The following TRHDE variants were observed in gnomAD, a reference collection of about 807,000 sequenced individuals.
The protein encoded by TRHDE is thyrotropin releasing hormone degrading enzyme, also known as thyrotropin-releasing hormone-degrading ectoenzyme.
TRHDE carries 72 observed loss-of-function variants against 125.7 expected under a neutral mutation model. That is an observed-to-expected ratio of 0.57 (90% CI 0.47 to 0.70). The LOEUF (loss-of-function observed/expected upper bound fraction) is 0.70. Among genes scored for constraint, TRHDE ranks in the 30% least tolerant of loss-of-function variants. The probability of loss-of-function intolerance (pLI) is 0.00; values close to 1 mark genes in which losing one functional copy is unlikely to be tolerated. For missense variants in TRHDE, 1,110 were observed against 1,327.1 expected (o/e 0.84, Z 2.54); for synonymous variants, 509 against 509.1 (o/e 1.00, Z 0.00).
At position 72,419,542 on chromosome 12, in the gene TRHDE, C is replaced by CCATA. The variant is rs1464311822; in HGVS notation, c.1315+41424_1315+41427dup. Among the ~76,000 whole-genome samples, 16 of 152,104 alleles carry CCATA rather than the reference C, an allele frequency of 1.1e-4. 1 individual carries two copies. The highest frequency in any genetic ancestry group is 6.8e-3 in the Middle Eastern group (2 of 294). ...GAGCAAGAGGGAGATGGGGAGTGTGCCATACACTTTTAAACAGCCAGACCT... is the reference window on the plus strand; with the variant it reads ...GAGCAAGAGGGAGATGGGGAGTGTGCCATACATACACTTTTAAACAGCCAGACCT... On this transcript the variant is annotated intron_variant, in intron 3 of 18. Coordinates refer to ENST00000261180, the MANE Select transcript of TRHDE (RefSeq NM_013381.3).
chr12:72,291,880 G>A (rs999544480), intron 2 of TRHDE, among the ~76,000 whole-genome samples: 1 of 152,200 alleles, frequency 6.6e-6, no homozygotes, highest in African/African-American at 2.4e-5. Context: ...GCTTGTGTTT[G>A]CAATGGAATT....
intron 2 of TRHDE, among the ~76,000 whole-genome samples, chr12:72,230,172 A>C (rs1251470819): frequency 1.3e-5 from 2 of 152,172 alleles, no homozygotes; most frequent in African/African-American, 4.8e-5. Flanking sequence ...TGCAAAAATA[A>C]AATTGTATTT....
At chr12:72,152,289 A>G (rs1439212368) in intron 2 of TRHDE, among the ~76,000 whole-genome samples, 2 of 151,650 alleles carry the variant, frequency 1.3e-5, no homozygotes, top group Non-Finnish European at 2.9e-5. Flanking sequence ...GCTTAAGGAG[A>G]TTTCGGGCTG....
rs1868623853 is a variant in TRHDE, at chr12:72,532,748, T to C, written c.1723-9543T>C. Among the ~76,000 whole-genome samples, 3 of 150,478 alleles carry C rather than the reference T, an allele frequency of 2.0e-5. No individual in the cohort carries two copies. The South Asian group carries it at 6.3e-4, about 31-fold the overall frequency. ...TTCTGGAATGAATTCTACTTAAATA[T>C]TTTCTCTCTCTTCATAGAATCTATA... On this transcript the variant is annotated intron_variant, in intron 6 of 18. Transcript: ENST00000261180.
chr12:72,197,867 C>A (rs1877476073), intron 2 of TRHDE, among the ~76,000 whole-genome samples: 2 of 151,638 alleles, frequency 1.3e-5, no homozygotes, highest in Non-Finnish European at 2.9e-5. Context: ...TATTATCGTA[C>A]CCTATATGCT....
At chr12:72,417,557 T>C (rs891235377) in intron 3 of TRHDE, among the ~76,000 whole-genome samples, 5 of 151,972 alleles carry the variant, frequency 3.3e-5, no homozygotes, top group African/African-American at 1.2e-4. Context: ...TTGATGTTAT[T>C]TTTCAGAGGG....
chr12:72,603,649 G>C (rs1418208865), intron 12 of TRHDE, among the ~76,000 whole-genome samples: 1 of 151,936 alleles, frequency 6.6e-6, no homozygotes, highest in African/African-American at 2.4e-5. Flanking sequence ...GGCGAGAAAC[G>C]GGGAGGCGGA....
chr12:72,375,180 T>C (rs937282992), intron 2 of TRHDE, among the ~76,000 whole-genome samples: 1 of 152,124 alleles, frequency 6.6e-6, no homozygotes, highest in Admixed American at 6.6e-5. Context: ...TCTCACATTG[T>C]ATTTTTGTTG....
intron 7 of TRHDE, among the ~76,000 whole-genome samples, chr12:72,549,964 GATAT>G (rs1216512315): frequency 6.6e-6 from 1 of 151,692 alleles, no homozygotes; most frequent in Non-Finnish European, 1.5e-5. Context: ...TATTTTTAGA[GATAT>G]ATATCTCTAT....
chr12:72,532,932 T>A (rs1325392948), intron 6 of TRHDE, among the ~76,000 whole-genome samples: 1 of 150,976 alleles, frequency 6.6e-6, no homozygotes, highest in Non-Finnish European at 1.5e-5. Flanking sequence ...TTTTACATTG[T>A]CCAGTTTGCA....
chr12:72,451,578 TTTG>T (rs145119847), intron 3 of TRHDE, among the ~76,000 whole-genome samples: 15 of 151,828 alleles, frequency 9.9e-5, no homozygotes, highest in Admixed American at 3.3e-4. Context: ...GGCTTTGTTT[TTTG>T]TTGTTGTTGT....
chr12:72,480,472 A>C (rs192276865), intron 5 of TRHDE, among the ~76,000 whole-genome samples: 5 of 152,176 alleles, frequency 3.3e-5, no homozygotes, highest in Non-Finnish European at 7.4e-5. Context: ...GCTCAGAAAG[A>C]TGGTTTCAGG....
chr12:72,434,048 C>T (rs1249995647), intron 3 of TRHDE, among the ~76,000 whole-genome samples: 1 of 152,082 alleles, frequency 6.6e-6, no homozygotes, highest in Non-Finnish European at 1.5e-5. Flanking sequence ...TGAAGTGCCA[C>T]AGACAATCAC....
intron 2 of TRHDE, among the ~76,000 whole-genome samples, chr12:72,230,055 G>A (rs375922165): frequency 3.3e-5 from 5 of 152,098 alleles, no homozygotes; most frequent in South Asian, 4.2e-4. Flanking sequence ...ACCACCTGAC[G>A]GTTTTGTTCC....
intron 9 of TRHDE, among the ~76,000 whole-genome samples, chr12:72,566,956 A>T (rs2136016922): frequency 6.6e-6 from 1 of 152,050 alleles, no homozygotes; most frequent in South Asian, 2.1e-4. Context: ...GGTACACAAA[A>T]ATGAGCTTAT....
chr12:72,314,835 A>G (rs1229529531), intron 2 of TRHDE, among the ~76,000 whole-genome samples: 1 of 152,070 alleles, frequency 6.6e-6, no homozygotes, highest in Non-Finnish European at 1.5e-5. Flanking sequence ...TAAATGTTAG[A>G]ATTAGGAATT....
chr12:72,478,007 T>C (rs1876980945), intron 5 of TRHDE, among the ~76,000 whole-genome samples: 1 of 152,212 alleles, frequency 6.6e-6, no homozygotes, highest in African/African-American at 2.4e-5. Flanking sequence ...TTATAAGTTA[T>C]ACTTTGATAA....
chr12:72,365,449 T>G (rs1168938227), intron 2 of TRHDE, among the ~76,000 whole-genome samples: 1 of 152,116 alleles, frequency 6.6e-6, no homozygotes, highest in Non-Finnish European at 1.5e-5. Context: ...TAACCTTTGG[T>G]GATTCTGATG....
At chr12:72,240,451 C>T (rs1001124029) in intron 2 of TRHDE, among the ~76,000 whole-genome samples, 1 of 151,684 alleles carries the variant, frequency 6.6e-6, no homozygotes, top group African/African-American at 2.4e-5. Flanking sequence ...GTCATCTTGA[C>T]AGATAACATG....
Sources: allele counts gnomAD v4.1 joint callset (sites outside exome capture counted in the v4.1 genomes callset), GRCh38; gene constraint gnomAD v4.1.1; transcripts MANE v1.5; gene names NCBI Gene and HGNC (gene_info 2026-07-23, HGNC 2026-07-21).